VDAC1: variants seen among roughly 807,000 people sequenced by gnomAD.
The protein encoded by VDAC1 is non-selective voltage-gated ion channel VDAC1.
Under a neutral mutation model 34.7 loss-of-function variants are expected in VDAC1, and 10 were observed. The ratio of observed to expected loss-of-function variants is 0.29; its 90% confidence interval spans 0.18 to 0.49. VDAC1 has a LOEUF of 0.49. Ranked by LOEUF, VDAC1 falls within the 20% of genes least tolerant of loss-of-function variation. The pLI is 0.99. For synonymous variants in VDAC1, 130 were observed against 136.0 expected, an observed-to-expected ratio of 0.96 and a Z score of 0.30; for missense variants, 230 against 347.9, an observed-to-expected ratio of 0.66 and a Z score of 2.69.
the VDAC1 span, among the ~76,000 whole-genome samples, chr5:134,075,578 GTTTGTTT>G: frequency 2.0e-5 from 3 of 152,034 alleles, no homozygotes; most frequent in Non-Finnish European, 4.4e-5. Context: ...TTGTTTGTTT[GTTTGTTT>G]TTTGTTTTTT....
chr5:134,035,365 G>A, the VDAC1 span, among the ~76,000 whole-genome samples: 1 of 152,082 alleles, frequency 6.6e-6, no homozygotes, highest in Admixed American at 6.6e-5. Context: ...CTTCAGCCTC[G>A]CAAGTAGCTG....
the VDAC1 span, among the ~76,000 whole-genome samples, chr5:134,098,181 ATT>A: frequency 3.7e-4 from 1 of 2,686 alleles, no homozygotes; most frequent in African/African-American, 5.6e-4. Context: ...TATTATTATT[ATT>A]ATTATTATTA....
the VDAC1 span, among the ~76,000 whole-genome samples, chr5:134,057,491 A>C: frequency 2.5e-5 from 3 of 118,896 alleles, no homozygotes; most frequent in Non-Finnish European, 5.3e-5. Flanking sequence ...AAAAAAAAAA[A>C]TTTATATCTA....
upstream of VDAC1, chr5:134,005,382 G>C (rs993249802): frequency 6.6e-6 from 1 of 152,244 alleles, no homozygotes; most frequent in Non-Finnish European, 1.5e-5. Context: ...CCGCGCTCCG[G>C]ATACAATGTG....
chr5:134,084,025 G>C, the VDAC1 span, among the ~76,000 whole-genome samples: 2 of 152,238 alleles, frequency 1.3e-5, no homozygotes, highest in African/African-American at 4.8e-5. Context: ...CTGTAAAATA[G>C]GGGGCAAATT....
intron 7 of VDAC1, among the ~76,000 whole-genome samples, chr5:133,974,248 T>A (rs932718010): frequency 6.6e-6 from 1 of 152,202 alleles, no homozygotes; most frequent in Non-Finnish European, 1.5e-5. Flanking sequence ...ACAGACACCA[T>A]TCTGCAACAT....
the VDAC1 span, among the ~76,000 whole-genome samples, chr5:134,099,318 C>T: frequency 6.6e-6 from 1 of 152,180 alleles, no homozygotes; most frequent in Non-Finnish European, 1.5e-5. Flanking sequence ...TGGGACCAGC[C>T]TTTTACATTC....
At chr5:134,005,325 G>T (rs1410501243), upstream of VDAC1, 2 of 152,200 alleles carry the variant, frequency 1.3e-5, no homozygotes, top group African/African-American at 4.8e-5. Context: ...TGGGCGCCTG[G>T]GGCGGCGCAG....
chr5:134,058,821 C>T, the VDAC1 span, among the ~76,000 whole-genome samples: 26 of 152,288 alleles, frequency 1.7e-4, no homozygotes, highest in Admixed American at 4.6e-4. Context: ...GCAACGTGAC[C>T]GGCACTCCAA....
At chr5:133,982,419 G>A (rs1483277719) in intron 5 of VDAC1, among the ~76,000 whole-genome samples, 1 of 151,852 alleles carries the variant, frequency 6.6e-6, no homozygotes, top group African/African-American at 2.4e-5. Flanking sequence ...GGCTGAGGCA[G>A]GAGAAACGCT....
At chr5:134,095,841 T>C in the VDAC1 span, among the ~76,000 whole-genome samples, 1 of 152,226 alleles carries the variant, frequency 6.6e-6, no homozygotes, top group Non-Finnish European at 1.5e-5. Context: ...AATGGCCACA[T>C]GTGGCTAGTG....
At chr5:134,087,083 A>G in the VDAC1 span, among the ~76,000 whole-genome samples, 52 of 152,260 alleles carry the variant, frequency 3.4e-4, no homozygotes, top group African/African-American at 1.1e-3. Context: ...GAATGCCTCC[A>G]CTGCCTTTGA....
chr5:134,041,933 T>C, the VDAC1 span, among the ~76,000 whole-genome samples: 1 of 152,196 alleles, frequency 6.6e-6, no homozygotes, highest in Non-Finnish European at 1.5e-5. Context: ...CTCACTCTCC[T>C]CTGCAGCTTC....
chr5:133,992,744 CA>C (rs1256891324), intron 2 of VDAC1, among the ~76,000 whole-genome samples: 1 of 152,280 alleles, frequency 6.6e-6, no homozygotes, highest in African/African-American at 2.4e-5. Context: ...ACCCACTTGA[CA>C]GCACCAATGC....
chr5:134,044,460 A>G, the VDAC1 span, among the ~76,000 whole-genome samples: 2 of 152,156 alleles, frequency 1.3e-5, no homozygotes, highest in African/African-American at 4.8e-5. Context: ...ATTTTTATGG[A>G]TTAATAAAAA....
the VDAC1 span, among the ~76,000 whole-genome samples, chr5:134,091,256 C>T: frequency 6.6e-6 from 1 of 152,190 alleles, no homozygotes; most frequent in African/African-American, 2.4e-5. Flanking sequence ...GGCTTGTGCC[C>T]TGGAAATGCT....
chr5:134,109,035 G>A, the VDAC1 span, among the ~76,000 whole-genome samples: 99 of 152,182 alleles, frequency 6.5e-4, no homozygotes, highest in African/African-American at 2.3e-3. Context: ...CCTCTTTAGC[G>A]CCTGATGTCT....
At chr5:134,043,258 G>A in the VDAC1 span, among the ~76,000 whole-genome samples, 1 of 152,216 alleles carries the variant, frequency 6.6e-6, no homozygotes, top group South Asian at 2.1e-4. Flanking sequence ...TCTCCGAATA[G>A]TTTCAAATGC....
At chr5:134,076,336 G>A in the VDAC1 span, among the ~76,000 whole-genome samples, 10 of 152,252 alleles carry the variant, frequency 6.6e-5, no homozygotes, top group Admixed American at 2.0e-4. Context: ...TCCTCACATC[G>A]TGTGGAGGCC....
Sources: gnomAD v4.1 joint callset for allele counts (sites outside exome capture counted in the v4.1 genomes callset) on GRCh38, gnomAD v4.1.1 for gene constraint, MANE v1.5 for transcripts, NCBI Gene and HGNC (gene_info 2026-07-23, HGNC 2026-07-21) for gene names.